The following MGAT5 variants were observed in gnomAD, a reference collection of about 807,000 sequenced individuals.
The protein encoded by MGAT5 is alpha-1,6-mannosylglycoprotein 6-beta-N-acetylglucosaminyltransferase, also known as alpha-1,6-mannosylglycoprotein 6-beta-N-acetylglucosaminyltransferase A.
In MGAT5, 30 loss-of-function variants were observed where a neutral mutation model predicts 94.3. That is an observed-to-expected ratio of 0.32 (90% CI 0.24 to 0.43). The LOEUF (loss-of-function observed/expected upper bound fraction) is 0.43. Among genes scored for constraint, MGAT5 ranks in the 20% least tolerant of loss-of-function variants. The pLI, the probability that MGAT5 is intolerant of heterozygous loss-of-function variation, is 1.00. For missense variants in MGAT5, 691 were observed against 905.5 expected (o/e 0.76, Z 3.04); for synonymous variants, 310 against 322.9 (o/e 0.96, Z 0.43).
rs1391898180 is a variant in MGAT5 at position 134,449,583 on chromosome 2, G to A, written c.*736G>A. 1.3e-5 allele frequency: 2 copies of A among 152,352 alleles called. No individual in the cohort carries two copies. 9.4% of individuals were successfully genotyped at this position (152,352 alleles called of 1,614,324 possible). A position where few individuals can be genotyped will look rare whatever the true frequency, so the allele number is the denominator to read the frequency against. On this transcript the variant is annotated 3_prime_UTR_variant, in exon 16 of 16. Coordinates refer to ENST00000281923, the MANE Select transcript of MGAT5 (RefSeq NM_002410.5). ...AGAGAGCCCAGCCAGGGACGAAAAA[G>A]GAGATGAGGCCCCTTTCCTCCATGT...
intron 9 of MGAT5, 124 bp from the exon 10 acceptor site, chr2:134,362,151 A>C: frequency 8.5e-7 from 1 of 1,177,408 alleles, no homozygotes; most frequent in Admixed American, 2.2e-5. Context: ...TCAGGTAAGA[A>C]AGAACAGGGT....
intron 9 of MGAT5, among the ~76,000 whole-genome samples, chr2:134,360,584 C>A (rs928233783): frequency 3.2e-4 from 48 of 151,994 alleles, no homozygotes; most frequent in African/African-American, 1.2e-3. Context: ...AGTATAGTGT[C>A]AGGTTTGAGT....
chr2:134,139,430 C>CA (rs11411537), intron 1 of MGAT5, among the ~76,000 whole-genome samples: 53,668 of 152,010 alleles, frequency 0.35, 10,446 homozygotes, highest in East Asian at 0.55. Flanking sequence ...ATGGTATAAT[C>CA]TTACTCTGAG....
chr2:134,270,315 A>G, intron 1 of MGAT5, 71 bp from the exon 2 acceptor site: 1 of 1,432,886 alleles, frequency 7.0e-7, no homozygotes, highest in Non-Finnish European at 9.6e-7. Context: ...TCTCCACGAT[A>G]AAGAGAGAGC....
chr2:134,367,246 T>C (rs1680489167), intron 10 of MGAT5, among the ~76,000 whole-genome samples: 1 of 152,222 alleles, frequency 6.6e-6, no homozygotes, highest in Non-Finnish European at 1.5e-5. Flanking sequence ...AATATCATTA[T>C]TGGGGCCAGA....
intron 10 of MGAT5, among the ~76,000 whole-genome samples, chr2:134,381,387 T>TG (rs1558841770): frequency 2.1e-5 from 1 of 46,850 alleles, no homozygotes; most frequent in African/African-American, 7.1e-5. Context: ...ATAGATTAGA[T>TG]AGATAGATAG....
At chr2:134,405,333 T>C (rs1368113697) in intron 11 of MGAT5, among the ~76,000 whole-genome samples, 1 of 152,210 alleles carries the variant, frequency 6.6e-6, no homozygotes, top group Non-Finnish European at 1.5e-5. Flanking sequence ...CATTACCTAT[T>C]GCCTGCTCCT....
chr2:134,167,798 G>C (rs902002891), intron 1 of MGAT5, among the ~76,000 whole-genome samples: 13 of 152,196 alleles, frequency 8.5e-5, no homozygotes, highest in Admixed American at 5.2e-4. Flanking sequence ...TCATGTCTTG[G>C]TTAAAATTTT....
intron 2 of MGAT5, among the ~76,000 whole-genome samples, chr2:134,312,633 G>A (rs1034398401): frequency 2.0e-5 from 3 of 152,242 alleles, no homozygotes; most frequent in African/African-American, 4.8e-5. Flanking sequence ...AGGAGGCTTC[G>A]TTGCCGGGTA....
chr2:134,313,828 C>A (rs1213041969), intron 2 of MGAT5, among the ~76,000 whole-genome samples: 1 of 152,058 alleles, frequency 6.6e-6, no homozygotes. Flanking sequence ...GTCACCCAGG[C>A]TATAAGCATA....
At chr2:134,218,250 T>C (rs1680593794) in intron 1 of MGAT5, among the ~76,000 whole-genome samples, 1 of 152,236 alleles carries the variant, frequency 6.6e-6, no homozygotes, top group African/African-American at 2.4e-5. Context: ...GTTCTCAGTC[T>C]GACACAGAAC....
chr2:134,353,214 TAAAAA>T (rs1189032934), intron 9 of MGAT5, among the ~76,000 whole-genome samples: 3 of 149,556 alleles, frequency 2.0e-5, no homozygotes, highest in East Asian at 4.0e-4. Context: ...AAAATTCAAA[TAAAAA>T]AGAAAAGCAT....
rs564932340 is a variant in MGAT5, at chr2:134,229,694, G to A, written c.-142-24568G>A. ...TCATCTTATGAACTAAAAAGAAAAA[G>A]TATCACTATTATGTATCGAAAACAG... On this transcript the variant is annotated intron_variant, in intron 1 of 16. Transcript: ENST00000409645. 2.0e-5 allele frequency among the ~76,000 whole-genome samples: 3 copies of A among 152,222 alleles called. No individual in the cohort carries two copies. In the East Asian group the frequency reaches 5.8e-4, roughly 29 times the overall value.
chr2:134,425,777 G>T (rs1684550029), intron 13 of MGAT5, among the ~76,000 whole-genome samples: 1 of 152,168 alleles, frequency 6.6e-6, no homozygotes, highest in African/African-American at 2.4e-5. Context: ...CACAAGGAGG[G>T]AGGCCAAGAA....
Position 134,285,977 on chromosome 2 carries a change from T to C in MGAT5, c.406+15427T>C, listed in dbSNP as rs78539967. On this transcript the variant is annotated intron_variant, in intron 2 of 15. Transcript: ENST00000281923. Reference sequence around the variant, plus strand: ...ATAAGGTGATAGTAAATTGCCATTCTGATACATCTTTCTGTTTTTCCCAGC... The same window carrying C: ...ATAAGGTGATAGTAAATTGCCATTCCGATACATCTTTCTGTTTTTCCCAGC... 5.3e-3 allele frequency among the ~76,000 whole-genome samples: 808 copies of C among 152,352 alleles called. 9 individuals carry two copies. Among genetic ancestry groups the C allele is most frequent in the African/African-American group, 0.018 (766 of 41,578 alleles).
rs146852725 is a variant in MGAT5 at position 134,351,458 on chromosome 2, C to T, written c.1246+1520C>T. 6.6e-3 allele frequency among the ~76,000 whole-genome samples: 1,001 copies of T among 152,094 alleles called. 10 individuals are homozygous for T. Among genetic ancestry groups the T allele is most frequent in the African/African-American group, 0.022 (926 of 41,486 alleles). On this transcript the variant is annotated intron_variant, in intron 9 of 15. Transcript: ENST00000281923. Reference sequence around the variant, plus strand: ...GTGTGCCCTACAAGAGATAGAGTTTCCAGGGAGTAGAGAAGAGAGGTTTCT... The same window carrying T: ...GTGTGCCCTACAAGAGATAGAGTTTTCAGGGAGTAGAGAAGAGAGGTTTCT...
intron 9 of MGAT5, among the ~76,000 whole-genome samples, chr2:134,351,492 A>G (rs1048108567): frequency 2.6e-5 from 4 of 152,140 alleles, no homozygotes; most frequent in Non-Finnish European, 4.4e-5. Context: ...CTTTTTTCCT[A>G]GAAAACATAA....
intron 4 of MGAT5, among the ~76,000 whole-genome samples, chr2:134,320,705 C>G (rs1320463643): frequency 6.6e-6 from 1 of 152,170 alleles, no homozygotes; most frequent in East Asian, 1.9e-4. Context: ...ATTTTTGAGG[C>G]TAAATAAAAT....
intron 1 of MGAT5, chr2:134,120,317 C>G (rs907449205): frequency 2.6e-6 from 1 of 390,738 alleles, no homozygotes; most frequent in Non-Finnish European, 4.5e-6. Flanking sequence ...TCCGGGTGAT[C>G]GCGTCGGAGG....
Sources: gnomAD v4.1 joint callset for allele counts (sites outside exome capture counted in the v4.1 genomes callset) on GRCh38, gnomAD v4.1.1 for gene constraint, MANE v1.5 for transcripts, NCBI Gene and HGNC (gene_info 2026-07-23, HGNC 2026-07-21) for gene names.